The following CACNA1C variants were observed in gnomAD, a reference collection of about 807,000 sequenced individuals.
CACNA1C encodes voltage-dependent L-type calcium channel subunit alpha-1C.
CACNA1C carries 30 observed loss-of-function variants against 229.0 expected under a neutral mutation model. The ratio of observed to expected loss-of-function variants is 0.13; its 90% confidence interval spans 0.10 to 0.18. The LOEUF is 0.18. CACNA1C is among the 10% of genes least tolerant of loss of function. CACNA1C has a pLI of 1.00. For missense variants in CACNA1C, 1,658 were observed against 2,845.0 expected, an observed-to-expected ratio of 0.58 and a Z score of 9.49; for synonymous variants, 1,114 against 1,132.5, an observed-to-expected ratio of 0.98 and a Z score of 0.33.
intron 1 of CACNA1C, among the ~76,000 whole-genome samples, chr12:2,020,932 T>C (rs1467885716): frequency 6.6e-6 from 1 of 152,190 alleles, no homozygotes; most frequent in Non-Finnish European, 1.5e-5. Flanking sequence ...TGCCTACCAG[T>C]AACTTCTGCT....
intron 3 of CACNA1C, among the ~76,000 whole-genome samples, chr12:2,258,116 A>G (rs1442381717): frequency 1.3e-5 from 2 of 152,222 alleles, no homozygotes; most frequent in Non-Finnish European, 2.9e-5. Context: ...CTGTCCCACC[A>G]TAGTAAAGCT....
chr12:2,347,043 G>A (rs2097058038), intron 3 of CACNA1C, among the ~76,000 whole-genome samples: 1 of 152,132 alleles, frequency 6.6e-6, no homozygotes, highest in South Asian at 2.1e-4. Flanking sequence ...TCTTTGTGTA[G>A]GATCACACCG....
At position 2,654,035 on chromosome 12, in the gene CACNA1C, T is replaced by C; in HGVS notation, c.4140+135T>C. Reference sequence around the variant, plus strand: ...ACTGTCCCTCTCCCTCCTCTTCCATTTTCTGAGGCCCAAAAAGCCACAGGA... The same window carrying C: ...ACTGTCCCTCTCCCTCCTCTTCCATCTTCTGAGGCCCAAAAAGCCACAGGA... On this transcript the variant is annotated intron_variant, in intron 33 of 46. Transcript: ENST00000399655. The surrounding 1 kb of genome is among the most constrained non-coding windows in gnomAD (Gnocchi z 4.4). 1.4e-6 allele frequency: 1 copy of C among 720,314 alleles called. No homozygotes were observed. Among genetic ancestry groups the C allele is most frequent in the Non-Finnish European group, 2.3e-6 (1 of 429,352 alleles). The allele number at this position is 720,314 out of a possible 1,614,324, so 44.6% of individuals were successfully genotyped here.
At chr12:2,149,873 C>T (rs1441763252) in intron 3 of CACNA1C, among the ~76,000 whole-genome samples, 2 of 152,142 alleles carry the variant, frequency 1.3e-5, no homozygotes, top group African/African-American at 2.4e-5. Context: ...CCTCTAGTAG[C>T]CCAGCAATTT....
intron 9 of CACNA1C, among the ~76,000 whole-genome samples, chr12:2,515,011 G>C (rs1305227340): frequency 6.6e-6 from 1 of 152,198 alleles, no homozygotes; most frequent in Non-Finnish European, 1.5e-5. Flanking sequence ...CCTAAGCCTA[G>C]ATAAGGATGG....
Position 2,161,484 on chromosome 12 carries a change from C to T in CACNA1C, c.477+41054C>T, listed in dbSNP as rs538254232. On this transcript the variant is annotated intron_variant, in intron 3 of 46. Coordinates refer to ENST00000399655, the MANE Select transcript of CACNA1C (RefSeq NM_000719.7). ...TGCCGGTGTGGCTGTGCCAGGGGCC[C>T]CGCCTGTCACCTCTCCCTGCAATCC... Among the ~76,000 whole-genome samples, 5 of 152,270 alleles carry T rather than the reference C, an allele frequency of 3.3e-5. No individual in the cohort carries two copies. The East Asian group carries it at 7.7e-4, about 24-fold the overall frequency.
At chr12:2,197,743 G>A (rs1346583536) in intron 3 of CACNA1C, among the ~76,000 whole-genome samples, 1 of 152,156 alleles carries the variant, frequency 6.6e-6, no homozygotes, top group Non-Finnish European at 1.5e-5. Flanking sequence ...CAAATTGGGG[G>A]AAGATTAATT....
intron 1 of CACNA1C, among the ~76,000 whole-genome samples, chr12:2,097,664 C>G (rs142250756): frequency 2.0e-5 from 3 of 152,322 alleles, no homozygotes; most frequent in East Asian, 3.9e-4. Context: ...CCGGGGCTCT[C>G]TGTGTGGCTG....
intron 1 of CACNA1C, among the ~76,000 whole-genome samples, chr12:2,081,662 G>A (rs142347050): frequency 0.015 from 2,230 of 152,156 alleles, 33 homozygotes; most frequent in Non-Finnish European, 0.02. Context: ...CAAGGGACAT[G>A]CTTAATAAAG....
At chr12:2,671,943 C>A (rs1178423396) in intron 38 of CACNA1C, among the ~76,000 whole-genome samples, 1 of 151,478 alleles carries the variant, frequency 6.6e-6, no homozygotes, top group Non-Finnish European at 1.5e-5. Flanking sequence ...CAAGGGTGAG[C>A]CTTCATCAGA....
At chr12:2,523,606 G>A (rs1362298378) in intron 9 of CACNA1C, among the ~76,000 whole-genome samples, 1 of 152,210 alleles carries the variant, frequency 6.6e-6, no homozygotes, top group Non-Finnish European at 1.5e-5. Flanking sequence ...GACACGTGGT[G>A]TCTTTGGAGA....
At chr12:2,271,821 A>G (rs1246643507) in intron 3 of CACNA1C, among the ~76,000 whole-genome samples, 1 of 151,994 alleles carries the variant, frequency 6.6e-6, no homozygotes, top group East Asian at 1.9e-4. Flanking sequence ...GCCTGGGCCC[A>G]GGAGTTTGAG....
intron 3 of CACNA1C, among the ~76,000 whole-genome samples, chr12:2,444,087 T>C (rs1326080145): frequency 1.3e-5 from 2 of 152,162 alleles, no homozygotes; most frequent in Non-Finnish European, 2.9e-5. Flanking sequence ...GCCCTTCCAG[T>C]TCTATCTCAG....
intron 3 of CACNA1C, among the ~76,000 whole-genome samples, chr12:2,313,994 G>A (rs1327257490): frequency 6.6e-6 from 1 of 152,226 alleles, no homozygotes; most frequent in Admixed American, 6.5e-5. Context: ...TGCTGGCGGT[G>A]CCTATGTGGG....
At chr12:2,249,880 C>T (rs890072166) in intron 3 of CACNA1C, among the ~76,000 whole-genome samples, 3 of 151,446 alleles carry the variant, frequency 2.0e-5, no homozygotes, top group Admixed American at 2.0e-4. Flanking sequence ...ACGCGATTCT[C>T]CTGCCTCAAG....
In CACNA1C at chr12:1,996,729, C is replaced by T. The variant is rs11062052; in HGVS notation, c.139+25528C>T. 9.1e-3 allele frequency among the ~76,000 whole-genome samples: 1,342 copies of T among 147,278 alleles called. 17 individuals carry two copies. The highest frequency in any genetic ancestry group is 0.028 in the African/African-American group (1,138 of 40,138). ...CTACATTCAAAGCCATCTTGGGCCA[C>T]GTGTCCTATGGGCCGTGGGTTGGAC... On this transcript the variant is annotated intron_variant, in intron 1 of 46. Transcript: ENST00000682462.
In CACNA1C at chr12:2,197,484, T is replaced by C. The variant is rs79458102; in HGVS notation, c.477+77054T>C. Among the ~76,000 whole-genome samples the C allele has an allele frequency of 9.7e-3, 1,474 of 152,324 alleles. 24 individuals are homozygous for C. The highest frequency in any genetic ancestry group is 0.032 in the African/African-American group (1,349 of 41,564). On this transcript the variant is annotated intron_variant, in intron 3 of 46. Transcript: ENST00000399655. ...TAAAAATTAAGACTCAGTGATATAA[T>C]GTCACTTATTATTATGTAATAAAGC... is the stretch of plus-strand genomic sequence containing the variant.
intron 3 of CACNA1C, among the ~76,000 whole-genome samples, chr12:2,315,589 C>T (rs1015465560): frequency 2.6e-5 from 4 of 152,288 alleles, no homozygotes; most frequent in East Asian, 1.9e-4. Flanking sequence ...TTGTACGCCC[C>T]GTGCCTCCCA....
At chr12:2,641,470 G>T in intron 30 of CACNA1C, 1 of 540,512 alleles carries the variant, frequency 1.9e-6, no homozygotes. Flanking sequence ...TCTCAGGACA[G>T]CTGGGTGGGG....
Sources: gnomAD v4.1 joint callset for allele counts (sites outside exome capture counted in the v4.1 genomes callset) on GRCh38, gnomAD v4.1.1 for gene constraint, Gnocchi (gnomAD v3.1) non-coding constraint, MANE v1.5 for transcripts, NCBI Gene and HGNC (gene_info 2026-07-23, HGNC 2026-07-21) for gene names.